Variants in SACM1L observed in about 807,000 individuals in gnomAD.
SACM1L encodes the protein phosphatidylinositol-3-phosphatase SAC1.
Under a neutral mutation model 89.5 loss-of-function variants are expected in SACM1L, and 32 were observed. That is an observed-to-expected ratio of 0.36 (90% CI 0.27 to 0.48). The LOEUF (loss-of-function observed/expected upper bound fraction) is 0.48, where lower values mean the gene tolerates loss of function less well. SACM1L is among the 20% of genes least tolerant of loss of function. The pLI, the probability that SACM1L is intolerant of heterozygous loss-of-function variation, is 0.99. For missense variants in SACM1L, 543 were observed against 708.5 expected, an observed-to-expected ratio of 0.77 and a Z score of 2.65; for synonymous variants, 213 against 232.8, an observed-to-expected ratio of 0.92 and a Z score of 0.77.
At chr3:45,719,395 C>A in intron 7 of SACM1L, 105 bp from the exon 8 acceptor site, 2 of 594,448 alleles carry the variant, frequency 3.4e-6, no homozygotes, top group Non-Finnish European at 2.9e-6. Context: ...ATACTCTTGT[C>A]ATTTTTTCTC....
At chr3:45,713,062 G>T in intron 5 of SACM1L, 75 bp from the exon 6 acceptor site, 2 of 1,201,210 alleles carry the variant, frequency 1.7e-6, no homozygotes, top group South Asian at 1.3e-5. Flanking sequence ...AAGAGACATT[G>T]ATTGGTGTAG....
intron 1 of SACM1L, among the ~76,000 whole-genome samples, chr3:45,701,201 G>T (rs1698258924): frequency 6.6e-6 from 1 of 151,028 alleles, no homozygotes; most frequent in Admixed American, 6.6e-5. Context: ...CAATGTATCT[G>T]TGCCAGCCTA....
intron 1 of SACM1L, 88 bp downstream of exon 1, chr3:45,689,585 A>T (rs557264197): frequency 3.5e-6 from 5 of 1,432,368 alleles, no homozygotes; most frequent in Non-Finnish European, 4.8e-6. Flanking sequence ...TGAGTCCCGG[A>T]TTGCAGATAG....
chr3:45,689,638 G>A lies in SACM1L; in HGVS notation c.32+141G>A, dbSNP rs1002604646. On this transcript the variant is annotated intron_variant, in intron 1 of 19. Transcript: ENST00000389061. ...CATTTACCGGTTTTCCTCAGCCGGC[G>A]CGGCCTCTCCTAGGCCTCGCCCGAG... 13 of 1,068,058 alleles carry A rather than the reference G, an allele frequency of 1.2e-5. No individual in the cohort carries two copies. The African/African-American group carries it at 1.2e-4, about 10-fold the overall frequency. 66.2% of individuals were successfully genotyped at this position (1,068,058 alleles called of 1,614,324 possible). A position where few individuals can be genotyped will look rare whatever the true frequency, so the allele number is the denominator to read the frequency against.
chr3:45,725,339 T>A (rs781001794), intron 11 of SACM1L, among the ~76,000 whole-genome samples: 54 of 152,314 alleles, frequency 3.5e-4, no homozygotes, highest in Admixed American at 6.5e-4. Context: ...TTTATTTATT[T>A]ATGTTTTAAA....
At chr3:45,725,948 C>T (rs548509988) in intron 11 of SACM1L, among the ~76,000 whole-genome samples, 36 of 151,948 alleles carry the variant, frequency 2.4e-4, no homozygotes, top group Non-Finnish European at 4.3e-4. Flanking sequence ...CTGTATCAAT[C>T]GAGATGCTCG....
At chr3:45,742,149 G>C (rs1268204988) in intron 19 of SACM1L, among the ~76,000 whole-genome samples, 1 of 152,218 alleles carries the variant, frequency 6.6e-6, no homozygotes, top group Non-Finnish European at 1.5e-5. Context: ...TTCCTTTAGG[G>C]AGTGTCCAGC....
At chr3:45,722,135 G>A in intron 9 of SACM1L, 50 bp downstream of exon 9, 2 of 1,088,786 alleles carry the variant, frequency 1.8e-6, no homozygotes, top group Non-Finnish European at 2.7e-6. Context: ...TTTTCTGCTT[G>A]GATTATAATT....
intron 15 of SACM1L, 31 bp from the exon 16 acceptor site, chr3:45,737,740 TA>T (rs757117984): frequency 6.3e-7 from 1 of 1,599,252 alleles, no homozygotes; most frequent in Non-Finnish European, 8.5e-7. Context: ...GTCATCTTAA[TA>T]ATTATCAGCT....
At position 45,738,753 on chromosome 3, in the gene SACM1L, T is replaced by C. The variant is rs370581491; in HGVS notation, c.1477-28T>C. 9.7e-6 allele frequency: 15 copies of C among 1,554,404 alleles called. No individual in the cohort carries two copies. The African/African-American group carries it at 2.0e-4, about 21-fold the overall frequency. On this transcript the variant is annotated intron_variant, in intron 17 of 19. Coordinates refer to ENST00000389061, the MANE Select transcript of SACM1L (RefSeq NM_014016.5). ...ATCACTAATGTTATCTCACACTGAGTTTACGAATTTCTTCCTTTCTGTTCT... is the reference window on the plus strand; with the variant it reads ...ATCACTAATGTTATCTCACACTGAGCTTACGAATTTCTTCCTTTCTGTTCT...
At chr3:45,727,561 CTGAT>C (rs1449663805) in intron 11 of SACM1L, among the ~76,000 whole-genome samples, 1 of 152,084 alleles carries the variant, frequency 6.6e-6, no homozygotes, top group Non-Finnish European at 1.5e-5. Context: ...TCATCTCTGT[CTGAT>C]TGTTCTGTTG....
chr3:45,727,256 C>T (rs1160298829), intron 11 of SACM1L, among the ~76,000 whole-genome samples: 2 of 152,066 alleles, frequency 1.3e-5, no homozygotes, highest in African/African-American at 4.8e-5. Context: ...AGTTCTCTTG[C>T]TGGGATTTTT....
intron 1 of SACM1L, among the ~76,000 whole-genome samples, chr3:45,695,307 C>A (rs1320840105): frequency 3.3e-5 from 5 of 151,714 alleles, no homozygotes; most frequent in Admixed American, 3.3e-4. Flanking sequence ...GTTGCCCAGG[C>A]TGGAGTGCAG....
At chr3:45,699,292 T>A (rs970559190) in intron 1 of SACM1L, among the ~76,000 whole-genome samples, 2 of 150,618 alleles carry the variant, frequency 1.3e-5, no homozygotes, top group African/African-American at 4.9e-5. Flanking sequence ...TTAAAATAAA[T>A]AAATAAATAA....
intron 1 of SACM1L, chr3:45,690,498 C>G (rs991139935): frequency 6.6e-6 from 1 of 152,172 alleles, no homozygotes; most frequent in Admixed American, 6.5e-5. Flanking sequence ...GAAATGACAC[C>G]AAAATGTGGT....
Position 45,721,895 on chromosome 3 carries a change from A to C in SACM1L, c.680-105A>C, listed in dbSNP as rs1467681686. 7 of 722,180 alleles carry C rather than the reference A, an allele frequency of 9.7e-6. No individual in the cohort carries two copies. In the African/African-American group the frequency reaches 1.3e-4, roughly 13 times the overall value. 44.7% of individuals were successfully genotyped at this position (722,180 alleles called of 1,614,324 possible). On this transcript the variant is annotated intron_variant, in intron 8 of 19. Coordinates refer to ENST00000389061, the MANE Select transcript of SACM1L (RefSeq NM_014016.5). Reference sequence around the variant, plus strand: ...TATTTTCATAATGACTTTTCCACTAACTTGAACTGACTTAATTCTCTCCAA... The same window carrying C: ...TATTTTCATAATGACTTTTCCACTACCTTGAACTGACTTAATTCTCTCCAA...
At chr3:45,719,838 A>G (rs533054638) in intron 8 of SACM1L, among the ~76,000 whole-genome samples, 1 of 152,260 alleles carries the variant, frequency 6.6e-6, no homozygotes, top group East Asian at 1.9e-4. Flanking sequence ...AGAGGAACTG[A>G]TCATGTTGTT....
chr3:45,713,352 C>T, intron 6 of SACM1L, 156 bp downstream of exon 6: 1 of 551,156 alleles, frequency 1.8e-6, no homozygotes, highest in Admixed American at 3.5e-5. Flanking sequence ...TACCCTGTCA[C>T]ATCATTCTAG....
intron 19 of SACM1L, among the ~76,000 whole-genome samples, chr3:45,741,934 C>T (rs1484706017): frequency 2.0e-5 from 3 of 152,232 alleles, no homozygotes; most frequent in African/African-American, 7.2e-5. Context: ...GCCGGTTCCT[C>T]AGCGGCCAGC....
Sources: allele counts gnomAD v4.1 joint callset (sites outside exome capture counted in the v4.1 genomes callset), GRCh38; gene constraint gnomAD v4.1.1; transcripts MANE v1.5; gene names NCBI Gene and HGNC (gene_info 2026-07-23, HGNC 2026-07-21).